SGCZ: variants seen among roughly 807,000 people sequenced by gnomAD.
SGCZ encodes the protein zeta-sarcoglycan.
A neutral mutation model predicts 41.3 loss-of-function variants in SGCZ; 40 were observed. The observed-to-expected ratio is 0.97, with a 90% CI of 0.75 to 1.26. SGCZ has a LOEUF of 1.26. SGCZ is among the 50% of genes most tolerant of loss of function. SGCZ has a pLI of 0.00. For missense variants in SGCZ, 552 were observed against 369.8 expected, an observed-to-expected ratio of 1.49 and a Z score of -4.04; for synonymous variants, 206 against 137.5, an observed-to-expected ratio of 1.50 and a Z score of -3.49.
At chr8:14,946,134 T>G (rs1308394608) in intron 1 of SGCZ, among the ~76,000 whole-genome samples, 2 of 146,260 alleles carry the variant, frequency 1.4e-5, no homozygotes. Context: ...ACTACATTTG[T>G]TTTGATTTAC....
At chr8:14,455,455 T>TACACAC (rs5889534) in intron 2 of SGCZ, among the ~76,000 whole-genome samples, 4,327 of 144,404 alleles carry the variant, frequency 0.03, 82 homozygotes, top group African/African-American at 0.055. Flanking sequence ...TTTGCATGCA[T>TACACAC]ACACACACAC....
intron 2 of SGCZ, among the ~76,000 whole-genome samples, chr8:14,479,731 CTTT>C (rs529812029): frequency 1.9e-5 from 1 of 52,976 alleles, no homozygotes; most frequent in Admixed American, 2.3e-4. Context: ...AATTCTACTT[CTTT>C]TTTTTTTTTT....
chr8:14,878,918 T>C (rs1022729518), intron 1 of SGCZ: 1 of 152,214 alleles, frequency 6.6e-6, no homozygotes, highest in Admixed American at 6.5e-5. Context: ...GTTTTGTTGT[T>C]GTTGTTGTTG....
chr8:14,728,397 A>G (rs1413650336), intron 1 of SGCZ, among the ~76,000 whole-genome samples: 3 of 151,850 alleles, frequency 2.0e-5, no homozygotes, highest in African/African-American at 4.8e-5. Context: ...AAACATAATA[A>G]AGACAAAAGC....
chr8:14,903,521 T>A (rs999461537), intron 1 of SGCZ, among the ~76,000 whole-genome samples: 1 of 152,108 alleles, frequency 6.6e-6, no homozygotes, highest in African/African-American at 2.4e-5. Flanking sequence ...TTTGAGTCTA[T>A]TTATTGAAGA....
intron 1 of SGCZ, among the ~76,000 whole-genome samples, chr8:14,943,571 T>C (rs78416730): frequency 0.018 from 2,811 of 152,292 alleles, 43 homozygotes; most frequent in South Asian, 0.042. Flanking sequence ...CCTGTTTTCT[T>C]TGTTAACTTT....
intron 1 of SGCZ, among the ~76,000 whole-genome samples, chr8:14,721,910 C>T (rs1273252062): frequency 6.6e-6 from 1 of 152,148 alleles, no homozygotes; most frequent in African/African-American, 2.4e-5. Context: ...TGTCCTGTTC[C>T]TTGGAAATTT....
intron 1 of SGCZ, among the ~76,000 whole-genome samples, chr8:14,916,230 T>C (rs145833042): frequency 1.3e-5 from 2 of 152,306 alleles, no homozygotes; most frequent in African/African-American, 4.8e-5. Flanking sequence ...ATTTCCTATC[T>C]ATTACCTTAA....
intron 1 of SGCZ, among the ~76,000 whole-genome samples, chr8:14,630,051 C>CT (rs1401127816): frequency 2.6e-5 from 4 of 152,020 alleles, no homozygotes; most frequent in Non-Finnish European, 5.9e-5. Flanking sequence ...AAAAAAATGT[C>CT]TTTTCCCCAT....
chr8:14,307,608 T>C (rs1345987073), intron 3 of SGCZ, among the ~76,000 whole-genome samples: 1 of 152,160 alleles, frequency 6.6e-6, no homozygotes, highest in Non-Finnish European at 1.5e-5. Flanking sequence ...ACTTTGGTCC[T>C]ATGACAGATG....
At chr8:14,264,786 C>A (rs78008005) in intron 3 of SGCZ, among the ~76,000 whole-genome samples, 35,234 of 151,930 alleles carry the variant, frequency 0.23, 5,060 homozygotes, top group South Asian at 0.45. Flanking sequence ...ACGGTGAAAC[C>A]CCGTCTCTAC....
intron 2 of SGCZ, among the ~76,000 whole-genome samples, chr8:14,457,466 A>G (rs1222240244): frequency 6.6e-6 from 1 of 152,126 alleles, no homozygotes; most frequent in Admixed American, 6.5e-5. Flanking sequence ...GAGTTTAGAG[A>G]AGACTCTGCT....
At chr8:14,324,345 A>C in intron 2 of SGCZ, 141 bp from the exon 3 acceptor site, 2 of 677,078 alleles carry the variant, frequency 3.0e-6, no homozygotes, top group Middle Eastern at 2.6e-4. Flanking sequence ...AATCTACTTA[A>C]TTAATGTTTG....
chr8:14,806,158 A>T (rs1322966439), intron 1 of SGCZ, among the ~76,000 whole-genome samples: 1 of 152,176 alleles, frequency 6.6e-6, no homozygotes, highest in Non-Finnish European at 1.5e-5. Flanking sequence ...CCCTAACATC[A>T]CAATAAAAGG....
Position 14,835,737 on chromosome 8 carries a change from G to A in SGCZ, c.40-280811C>T, listed in dbSNP as rs555797774. Among the ~76,000 whole-genome samples the A allele has an allele frequency of 2.3e-4, 35 of 152,256 alleles. No homozygotes were observed. The South Asian group carries it at 5.8e-3, about 25-fold the overall frequency. ...GAAGCACAGTGACTCTTGGTAACGC[G>A]GGCTGTGTGAATGTATTTACATTCC... On this transcript the variant is annotated intron_variant, in intron 1 of 7. Coordinates refer to ENST00000382080, the MANE Select transcript of SGCZ (RefSeq NM_139167.4).
intron 1 of SGCZ, among the ~76,000 whole-genome samples, chr8:14,663,505 G>A (rs1342336997): frequency 6.6e-6 from 1 of 151,942 alleles, no homozygotes; most frequent in East Asian, 1.9e-4. Flanking sequence ...CAGGTGAGTT[G>A]TCTAACCTCT....
intron 1 of SGCZ, among the ~76,000 whole-genome samples, chr8:14,561,591 T>C (rs561093219): frequency 3.3e-5 from 5 of 152,176 alleles, no homozygotes; most frequent in Non-Finnish European, 5.9e-5. Context: ...TCACATTTTA[T>C]GTTTAAAAAG....
intron 1 of SGCZ, among the ~76,000 whole-genome samples, chr8:14,617,790 G>C (rs1379199409): frequency 6.6e-6 from 1 of 152,110 alleles, no homozygotes; most frequent in Non-Finnish European, 1.5e-5. Flanking sequence ...CTGTGGTTGG[G>C]AAAGATAGTG....
At chr8:14,987,640 A>G (rs942365800) in intron 1 of SGCZ, among the ~76,000 whole-genome samples, 1 of 151,996 alleles carries the variant, frequency 6.6e-6, no homozygotes, top group Non-Finnish European at 1.5e-5. Context: ...GAAGTATTCC[A>G]AGAATCTTTT....
Sources: gnomAD v4.1 joint callset for allele counts (sites outside exome capture counted in the v4.1 genomes callset) on GRCh38, gnomAD v4.1.1 for gene constraint, MANE v1.5 for transcripts, NCBI Gene and HGNC (gene_info 2026-07-23, HGNC 2026-07-21) for gene names.